The following KIFAP3 variants were observed in gnomAD, a reference collection of about 807,000 sequenced individuals.
The protein encoded by KIFAP3 is kinesin-associated protein 3.
Under a neutral mutation model 106.5 loss-of-function variants are expected in KIFAP3, and 68 were observed. The ratio of observed to expected loss-of-function variants is 0.64; its 90% confidence interval spans 0.53 to 0.78. KIFAP3 has a LOEUF of 0.78. KIFAP3 is among the 30% of genes least tolerant of loss of function. The pLI is 0.00. For synonymous variants in KIFAP3, 320 were observed against 311.5 expected (o/e 1.03, Z -0.29); for missense variants, 780 against 941.8 (o/e 0.83, Z 2.25).
chr1:170,008,836 C>T (rs570385992), intron 10 of KIFAP3, among the ~76,000 whole-genome samples: 43 of 152,264 alleles, frequency 2.8e-4, no homozygotes, highest in Non-Finnish European at 5.6e-4. Flanking sequence ...TACTGCAGCA[C>T]CATTCACAAT....
chr1:170,034,336 ACAAC>A (rs1446919058), intron 7 of KIFAP3, 32 bp downstream of exon 7: 7 of 1,584,006 alleles, frequency 4.4e-6, no homozygotes, highest in Non-Finnish European at 6.0e-6. Context: ...AAAGCAAAAG[ACAAC>A]AGACGGTTCA....
chr1:170,061,332 C>G (rs866171027), intron 1 of KIFAP3, among the ~76,000 whole-genome samples: 1 of 152,078 alleles, frequency 6.6e-6, no homozygotes, highest in African/African-American at 2.4e-5. Flanking sequence ...ATCAAACAAC[C>G]CCATCAAAAA....
At chr1:170,047,515 G>T (rs1670319726) in intron 2 of KIFAP3, among the ~76,000 whole-genome samples, 1 of 151,284 alleles carries the variant, frequency 6.6e-6, no homozygotes, top group Non-Finnish European at 1.5e-5. Context: ...CAGCTACTCG[G>T]GAGGTTGAGG....
chr1:169,953,951 T>G (rs1237486900), intron 19 of KIFAP3, 60 bp downstream of exon 19: 5 of 1,138,330 alleles, frequency 4.4e-6, no homozygotes, highest in Non-Finnish European at 6.7e-6. Flanking sequence ...GTGAAGAGGA[T>G]TTTAGCTTTC....
intron 8 of KIFAP3, among the ~76,000 whole-genome samples, chr1:170,030,529 T>C (rs568694075): frequency 4.3e-4 from 65 of 151,884 alleles, no homozygotes; most frequent in African/African-American, 1.4e-3. Context: ...TGTAGAAAAA[T>C]GTTCACAGCA....
chr1:169,988,108 A>T (rs1310055473), intron 11 of KIFAP3, among the ~76,000 whole-genome samples: 1 of 152,076 alleles, frequency 6.6e-6, no homozygotes, highest in Non-Finnish European at 1.5e-5. Flanking sequence ...AAGGAAGCAA[A>T]GCAATATAAT....
intron 19 of KIFAP3, among the ~76,000 whole-genome samples, chr1:169,934,337 CA>C (rs1296548147): frequency 1.3e-5 from 2 of 152,222 alleles, no homozygotes; most frequent in Non-Finnish European, 2.9e-5. Context: ...GTTATTCAAT[CA>C]AAACCCTTTA....
chr1:169,946,142 G>C (rs1477387072), intron 19 of KIFAP3, among the ~76,000 whole-genome samples: 1 of 152,118 alleles, frequency 6.6e-6, no homozygotes, highest in East Asian at 1.9e-4. Flanking sequence ...TGGTTAATTA[G>C]CTGAATAAAT....
At chr1:170,060,186 A>AAAT (rs1671065049) in intron 1 of KIFAP3, among the ~76,000 whole-genome samples, 1 of 149,326 alleles carries the variant, frequency 6.7e-6, no homozygotes, top group Admixed American at 6.7e-5. Flanking sequence ...GAAGGAGAAA[A>AAAT]AAAGGGTATT....
intron 10 of KIFAP3, among the ~76,000 whole-genome samples, chr1:170,010,826 A>G (rs889813670): frequency 6.6e-6 from 1 of 152,050 alleles, no homozygotes; most frequent in African/African-American, 2.4e-5. Flanking sequence ...AACCTGCTTA[A>G]AAGCTGATAG....
At chr1:170,036,825 C>A (rs1391878748) in intron 5 of KIFAP3, among the ~76,000 whole-genome samples, 1 of 152,058 alleles carries the variant, frequency 6.6e-6, no homozygotes, top group Non-Finnish European at 1.5e-5. Context: ...AATATAGTTA[C>A]AGGAGTTGTA....
intron 1 of KIFAP3, among the ~76,000 whole-genome samples, chr1:170,084,246 G>A (rs1303401321): frequency 6.6e-6 from 1 of 152,154 alleles, no homozygotes; most frequent in Non-Finnish European, 1.5e-5. Flanking sequence ...AGCTTCAGAT[G>A]CAGTACAGTG....
intron 19 of KIFAP3, among the ~76,000 whole-genome samples, chr1:169,932,103 C>T (rs563651125): frequency 6.6e-6 from 1 of 152,156 alleles, no homozygotes; most frequent in Non-Finnish European, 1.5e-5. Context: ...TGCTATGATA[C>T]TTAAAACCTC....
At chr1:170,052,887 T>C (rs376058424) in intron 2 of KIFAP3, among the ~76,000 whole-genome samples, 1 of 152,142 alleles carries the variant, frequency 6.6e-6, no homozygotes, top group Non-Finnish European at 1.5e-5. Context: ...GCCAATACCA[T>C]ATTGAATGGG....
chr1:169,987,726 T>C (rs1194889626), intron 11 of KIFAP3, among the ~76,000 whole-genome samples: 2 of 152,096 alleles, frequency 1.3e-5, no homozygotes, highest in Non-Finnish European at 2.9e-5. Flanking sequence ...ATGAAGATTC[T>C]TGCACACTGT....
At chr1:169,973,286 A>G (rs1468249216) in intron 16 of KIFAP3, among the ~76,000 whole-genome samples, 2 of 149,712 alleles carry the variant, frequency 1.3e-5, no homozygotes, top group Non-Finnish European at 3.0e-5. Context: ...AAAAGGAATA[A>G]ATTTTAAAAT....
intron 16 of KIFAP3, among the ~76,000 whole-genome samples, chr1:169,973,113 A>G (rs1244386028): frequency 7.2e-6 from 1 of 139,430 alleles, no homozygotes; most frequent in Non-Finnish European, 1.5e-5. Flanking sequence ...GTGTATATAT[A>G]TATATATATA....
chr1:170,012,986 C>A (rs1442458207), intron 10 of KIFAP3, among the ~76,000 whole-genome samples: 2 of 152,088 alleles, frequency 1.3e-5, no homozygotes, highest in Non-Finnish European at 2.9e-5. Context: ...GGGATTATTA[C>A]AATTCAAGGT....
chr1:169,941,839 T>C (rs1664136761), intron 19 of KIFAP3, among the ~76,000 whole-genome samples: 1 of 152,172 alleles, frequency 6.6e-6, no homozygotes, highest in Admixed American at 6.5e-5. Context: ...AATGCCTCAA[T>C]TGAGAGGTTT....
Sources: gnomAD v4.1 joint callset for allele counts (sites outside exome capture counted in the v4.1 genomes callset) on GRCh38, gnomAD v4.1.1 for gene constraint, MANE v1.5 for transcripts, NCBI Gene and HGNC (gene_info 2026-07-23, HGNC 2026-07-21) for gene names.